Variants in CLEC16A observed in about 807,000 individuals in gnomAD.
CLEC16A encodes C-type lectin domain containing 16A.
CLEC16A carries 51 observed loss-of-function variants against 109.5 expected under a neutral mutation model. That is an observed-to-expected ratio of 0.47 (90% CI 0.37 to 0.59). The LOEUF is 0.59. CLEC16A is among the 20% of genes least tolerant of loss of function. CLEC16A has a pLI of 0.00. For synonymous variants in CLEC16A, 673 were observed against 564.2 expected (o/e 1.19, Z -2.73); for missense variants, 1,339 against 1,394.0 (o/e 0.96, Z 0.63).
intron 8 of CLEC16A, 67 bp downstream of exon 8, chr16:10,977,466 C>G: frequency 1.4e-6 from 2 of 1,400,444 alleles, no homozygotes; most frequent in Non-Finnish European, 2.0e-6. Flanking sequence ...AGTCCCCAGT[C>G]CCCTGGAATG....
At chr16:11,093,920 C>T (rs946230497) in intron 19 of CLEC16A, among the ~76,000 whole-genome samples, 4 of 152,148 alleles carry the variant, frequency 2.6e-5, no homozygotes, top group African/African-American at 9.7e-5. Flanking sequence ...ACCCAAGCCA[C>T]GGTGCGTTCA....
chr16:11,013,362 C>T (rs1298481830), intron 11 of CLEC16A, among the ~76,000 whole-genome samples: 1 of 152,138 alleles, frequency 6.6e-6, no homozygotes, highest in African/African-American at 2.4e-5. Flanking sequence ...GGCATGGTGG[C>T]TCACACCTGT....
At chr16:11,045,137 A>T (rs958977674) in intron 16 of CLEC16A, among the ~76,000 whole-genome samples, 9 of 151,954 alleles carry the variant, frequency 5.9e-5, no homozygotes, top group African/African-American at 2.2e-4. Context: ...AAGGGTCAGG[A>T]GACCAAGACC....
chr16:11,167,691 G>A (rs2068328334), intron 23 of CLEC16A, among the ~76,000 whole-genome samples: 3 of 152,068 alleles, frequency 2.0e-5, no homozygotes, highest in Non-Finnish European at 4.4e-5. Flanking sequence ...ACTTCACGAG[G>A]CCCAGGCAGG....
At chr16:10,991,472 G>A (rs549575877) in intron 10 of CLEC16A, among the ~76,000 whole-genome samples, 8 of 151,660 alleles carry the variant, frequency 5.3e-5, no homozygotes, top group East Asian at 1.9e-4. Flanking sequence ...AAGGCCCTGC[G>A]GTGGGATGGT....
In CLEC16A at chr16:11,156,088, A is replaced by G. The variant is rs144728525; in HGVS notation, c.2642-10300A>G. Among the ~76,000 whole-genome samples, 525 of 152,234 alleles carry G rather than the reference A, an allele frequency of 3.4e-3. 3 individuals carry two copies. The highest frequency in any genetic ancestry group is 0.012 in the African/African-American group (506 of 41,546). ...AAGAATCTGGCGCTCCTGGCCGGGCATGGTGGCTCATGCCTGTAATCCCAG... is the reference window on the plus strand; with the variant it reads ...AAGAATCTGGCGCTCCTGGCCGGGCGTGGTGGCTCATGCCTGTAATCCCAG... On this transcript the variant is annotated intron_variant, in intron 22 of 23. Transcript: ENST00000409790.
chr16:11,019,435 C>G (rs553302359), intron 11 of CLEC16A, among the ~76,000 whole-genome samples: 24 of 150,554 alleles, frequency 1.6e-4, no homozygotes, highest in African/African-American at 6.0e-4. Flanking sequence ...AAAAGGAAAA[C>G]AAAAGGCTTC....
intron 11 of CLEC16A, among the ~76,000 whole-genome samples, chr16:11,005,599 T>C (rs1436215338): frequency 1.3e-5 from 2 of 152,204 alleles, no homozygotes; most frequent in Non-Finnish European, 2.9e-5. Context: ...CATAGACCGG[T>C]CCTGCCAGGC....
intron 19 of CLEC16A, among the ~76,000 whole-genome samples, chr16:11,063,631 A>G (rs1456663052): frequency 3.9e-5 from 6 of 152,056 alleles, no homozygotes; most frequent in Non-Finnish European, 7.4e-5. Context: ...TCAGTAAGAA[A>G]CAACAGCGTA....
chr16:10,960,133 C>A (rs540613627), intron 2 of CLEC16A, among the ~76,000 whole-genome samples: 2 of 152,210 alleles, frequency 1.3e-5, no homozygotes, highest in Non-Finnish European at 2.9e-5. Flanking sequence ...AAGTGTCTTA[C>A]ATTACTGGGG....
intron 19 of CLEC16A, among the ~76,000 whole-genome samples, chr16:11,110,737 G>C (rs999868109): frequency 6.6e-6 from 1 of 152,100 alleles, no homozygotes. Context: ...AGATACCCTG[G>C]GCAGTCCTGC....
At chr16:11,079,358 G>C (rs2049573354) in intron 19 of CLEC16A, among the ~76,000 whole-genome samples, 2 of 152,156 alleles carry the variant, frequency 1.3e-5, no homozygotes, top group African/African-American at 4.8e-5. Context: ...GAAGTTGTTG[G>C]GGCTGAGCTG....
intron 11 of CLEC16A, among the ~76,000 whole-genome samples, chr16:11,011,031 C>G (rs1184840396): frequency 6.6e-6 from 1 of 152,142 alleles, no homozygotes; most frequent in Non-Finnish European, 1.5e-5. Flanking sequence ...TCCTTCTGTC[C>G]CTCTTGGGTG....
Position 11,075,320 on chromosome 16 carries a change from G to T in CLEC16A, c.2116+14298G>T, listed in dbSNP as rs74009908. The stretch of plus-strand genomic sequence containing the variant: ...AGCTGCACCAGAGGGCTTCCAGGGA[G>T]GGGCAGGGGTCCTGCTGGCGGTTGA... On this transcript the variant is annotated intron_variant, in intron 19 of 23. Transcript: ENST00000409790. 3.2e-3 allele frequency among the ~76,000 whole-genome samples: 483 copies of T among 152,194 alleles called. 2 individuals carry two copies. The highest frequency in any genetic ancestry group is 0.011 in the African/African-American group (469 of 41,520).
At chr16:10,967,638 C>T (rs1295331642) in intron 3 of CLEC16A, among the ~76,000 whole-genome samples, 1 of 152,210 alleles carries the variant, frequency 6.6e-6, no homozygotes, top group African/African-American at 2.4e-5. Flanking sequence ...TCCATTCACA[C>T]AGCCAGTGAA....
At position 10,972,963 on chromosome 16, in the gene CLEC16A, C is replaced by T; in HGVS notation, c.630C>T (p.Tyr210=). The change falls in exon 7 of 24, where the codon TAC becomes TAT. Residue 210 remains tyrosine, a synonymous_variant. Coordinates refer to ENST00000409790, the MANE Select transcript of CLEC16A (RefSeq NM_015226.3). Reference sequence around the variant, plus strand: ...TGGATAACCAGGCCATGCTGCACTACATCCGAGATAAAACTGCTGTTCCTT... The same window carrying T: ...TGGATAACCAGGCCATGCTGCACTATATCCGAGATAAAACTGCTGTTCCTT... ...VSLDNQAMLH[Y]IRDKTAVPYF... 3 of 1,611,282 alleles carry T rather than the reference C, an allele frequency of 1.9e-6. No homozygotes were observed. Among genetic ancestry groups the T allele is most frequent in the South Asian group, 1.1e-5 (1 of 90,754 alleles).
rs969518271 is a variant in CLEC16A at position 11,031,296 on chromosome 16, A to G, written c.1537+6375A>G. Among the ~76,000 whole-genome samples the G allele has an allele frequency of 2.0e-5, 3 of 151,812 alleles. No individual in the cohort carries two copies. The East Asian group carries it at 5.8e-4, about 29-fold the overall frequency. ...GTGCTGTCTGTGTGGTGTAGATGCC[A>G]GGCTCCATGGGACAGTGGGCAAGCT... On this transcript the variant is annotated intron_variant, in intron 13 of 23. Transcript: ENST00000409790.
At chr16:11,114,128 C>CGTGGGTGT (rs2051800151) in intron 19 of CLEC16A, among the ~76,000 whole-genome samples, 1 of 127,248 alleles carries the variant, frequency 7.9e-6, no homozygotes, top group Admixed American at 7.9e-5. Flanking sequence ...TGAGGATGGC[C>CGTGGGTGT]GTGTGTGTGT....
chr16:10,948,366 C>G lies in CLEC16A; in HGVS notation c.80+3569C>G, dbSNP rs1371319694. The stretch of plus-strand genomic sequence containing the variant: ...TTGCTAAATGGTAGAAAACTTCATA[C>G]CTGTGGTCTCTGTCTGCTGAACTGA... On this transcript the variant is annotated intron_variant, in intron 1 of 23. Coordinates refer to ENST00000409790, the MANE Select transcript of CLEC16A (RefSeq NM_015226.3). 2.6e-5 allele frequency among the ~76,000 whole-genome samples: 4 copies of G among 152,188 alleles called. No homozygotes were observed. In the East Asian group the frequency reaches 7.7e-4, roughly 29 times the overall value.
Sources: allele counts gnomAD v4.1 joint callset (sites outside exome capture counted in the v4.1 genomes callset), GRCh38; gene constraint gnomAD v4.1.1; transcripts MANE v1.5; gene names NCBI Gene and HGNC (gene_info 2026-07-23, HGNC 2026-07-21).